IL1RAPL2: variants seen among roughly 807,000 people sequenced by gnomAD.
The protein encoded by IL1RAPL2 is X-linked interleukin-1 receptor accessory protein-like 2.
IL1RAPL2 carries 3 observed loss-of-function variants against 44.1 expected under a neutral mutation model. That is an observed-to-expected ratio of 0.07 (90% CI 0.03 to 0.18). The LOEUF is 0.18. IL1RAPL2 is among the 10% of genes least tolerant of loss of function. The pLI is 1.00. For missense variants in IL1RAPL2, 391 were observed against 496.4 expected, an observed-to-expected ratio of 0.79 and a Z score of 2.02; for synonymous variants, 181 against 178.8, an observed-to-expected ratio of 1.01 and a Z score of -0.10.
chrX:105,323,893 C>CAG (rs2034915623), intron 5 of IL1RAPL2, among the ~76,000 whole-genome samples: 1 of 108,460 alleles, frequency 9.2e-6, no homozygotes, highest in African/African-American at 3.3e-5. Context: ...CACACACACA[C>CAG]ACAGACACAC....
chrX:104,869,870 TCACCAC>T (rs1316533100), intron 2 of IL1RAPL2, among the ~76,000 whole-genome samples: 1 of 112,081 alleles, frequency 8.9e-6, no homozygotes, highest in Admixed American at 9.5e-5. Context: ...TAGGATCTTT[TCACCAC>T]CACCACCACG....
intron 5 of IL1RAPL2, among the ~76,000 whole-genome samples, chrX:105,317,666 T>C (rs1569422837): frequency 9.0e-6 from 1 of 111,615 alleles, no homozygotes; most frequent in Non-Finnish European, 1.9e-5. Context: ...TCCTGTTTGG[T>C]GGCCAGTCAG....
chrX:105,454,541 A>G (rs935316888), intron 5 of IL1RAPL2, among the ~76,000 whole-genome samples: 2 of 111,310 alleles, frequency 1.8e-5, no homozygotes, highest in African/African-American at 6.6e-5. Context: ...TCCAGCACAG[A>G]GTATAGGCTT....
intron 2 of IL1RAPL2, among the ~76,000 whole-genome samples, chrX:104,735,707 G>T (rs192294037): frequency 4.1e-4 from 46 of 111,170 alleles, no homozygotes; most frequent in Admixed American, 1.3e-3. Context: ...GCAGTGGGTG[G>T]GAGTATGTTG....
intron 2 of IL1RAPL2, among the ~76,000 whole-genome samples, chrX:105,114,781 C>T (rs151289801): frequency 8.9e-6 from 1 of 111,970 alleles, no homozygotes; most frequent in Non-Finnish European, 1.9e-5. Context: ...CAGCTTTTTC[C>T]CCTCTTCAGT....
At chrX:105,165,282 T>G (rs927978131) in intron 2 of IL1RAPL2, among the ~76,000 whole-genome samples, 14 of 111,770 alleles carry the variant, frequency 1.3e-4, no homozygotes, top group African/African-American at 4.6e-4. Context: ...CACTGTTCCA[T>G]AAAAATTTGG....
chrX:105,652,749 T>G (rs1387299591), intron 6 of IL1RAPL2, among the ~76,000 whole-genome samples: 2 of 111,737 alleles, frequency 1.8e-5, no homozygotes, highest in Non-Finnish European at 3.8e-5. Flanking sequence ...TCACAGTTTC[T>G]CTCATAATAT....
At chrX:104,611,126 A>G (rs966245158) in intron 1 of IL1RAPL2, among the ~76,000 whole-genome samples, 4 of 111,752 alleles carry the variant, frequency 3.6e-5, no homozygotes, top group African/African-American at 9.8e-5. Flanking sequence ...AAGTCAGGGT[A>G]TACGGGGTTC....
Position 105,740,591 on chromosome X carries a change from C to G in IL1RAPL2, c.948C>G (p.Leu316=). The change falls in exon 8 of 11, where the codon CTC becomes CTG. Residue 316 remains leucine, a synonymous_variant. Coordinates refer to ENST00000372582, the MANE Select transcript of IL1RAPL2 (RefSeq NM_017416.2). ...HLGEKEVELA[L]IFDSVVEADL... The stretch of plus-strand genomic sequence containing the variant: ...GAGAAAAAGAAGTTGAATTGGCACT[C>G]ATCTTTGACTCAGTTGTGGAAGCTG... 8.3e-7 allele frequency: 1 copy of G among 1,208,388 alleles called. No homozygotes were observed. Among genetic ancestry groups the G allele is most frequent in the African/African-American group, 1.7e-5 (1 of 57,738 alleles).
chrX:105,036,206 G>C (rs1350823327), intron 2 of IL1RAPL2, among the ~76,000 whole-genome samples: 1 of 111,634 alleles, frequency 9.0e-6, no homozygotes, highest in Non-Finnish European at 1.9e-5. Context: ...CCCACTCCCA[G>C]CACCCAAGAA....
intron 2 of IL1RAPL2, among the ~76,000 whole-genome samples, chrX:104,710,102 A>G (rs1931431912): frequency 9.0e-6 from 1 of 111,381 alleles, no homozygotes. Context: ...TAAACAGAGA[A>G]TTGCCATATG....
At chrX:105,759,911 T>C (rs996091606) in intron 10 of IL1RAPL2, among the ~76,000 whole-genome samples, 11 of 111,969 alleles carry the variant, frequency 9.8e-5, no homozygotes, top group Admixed American at 9.5e-4. Flanking sequence ...TTTAATTAAG[T>C]TGTCTTTGGG....
chrX:105,440,424 G>C (rs191338345), intron 5 of IL1RAPL2, among the ~76,000 whole-genome samples: 1 of 111,965 alleles, frequency 8.9e-6, no homozygotes, highest in East Asian at 2.8e-4. Context: ...GATTCATTCT[G>C]TCTTTAGACC....
chrX:105,634,198 A>T (rs2037509107), intron 6 of IL1RAPL2, among the ~76,000 whole-genome samples: 1 of 111,254 alleles, frequency 9.0e-6, no homozygotes, highest in Non-Finnish European at 1.9e-5. Context: ...AAAAAGAGAA[A>T]GATAAGTGAT....
intron 6 of IL1RAPL2, among the ~76,000 whole-genome samples, chrX:105,660,377 G>A (rs1393293727): frequency 9.0e-6 from 1 of 111,098 alleles, no homozygotes; most frequent in Non-Finnish European, 1.9e-5. Context: ...ATGCTAAAGA[G>A]AGTTATTTAA....
chrX:105,390,037 A>G (rs993465261), intron 5 of IL1RAPL2, among the ~76,000 whole-genome samples: 3 of 111,620 alleles, frequency 2.7e-5, no homozygotes, highest in Non-Finnish European at 5.6e-5. Context: ...TACTTAAAAA[A>G]TAAAAATCCC....
chrX:105,749,116 C>G lies in IL1RAPL2; in HGVS notation c.1192+13C>G. The G allele has an allele frequency of 2.5e-6, 3 of 1,194,030 alleles. No individual in the cohort carries two copies. Among genetic ancestry groups the G allele is most frequent in the Non-Finnish European group, 2.3e-6 (2 of 884,992 alleles). On this transcript the variant is annotated intron_variant, in intron 9 of 10. Transcript: ENST00000372582. ...GAAACTAATGATGGTAAGCTGTCTT[C>G]TATTGTTCAAATTCCATTAAACGGC...
chrX:104,828,491 TCCTC>T (rs200164782), intron 2 of IL1RAPL2, among the ~76,000 whole-genome samples: 5,846 of 111,736 alleles, frequency 0.052, 390 homozygotes, highest in African/African-American at 0.18. Flanking sequence ...GCCTCCTCCT[TCCTC>T]TGGAAGCTTT....
At chrX:105,421,289 G>A in intron 5 of IL1RAPL2, among the ~76,000 whole-genome samples, 1 of 111,270 alleles carries the variant, frequency 9.0e-6, no homozygotes, top group East Asian at 2.8e-4. Flanking sequence ...CTCTCCAAAT[G>A]AGGCAATCAG....
Sources: allele counts gnomAD v4.1 joint callset (sites outside exome capture counted in the v4.1 genomes callset), GRCh38; gene constraint gnomAD v4.1.1; transcripts MANE v1.5; gene names NCBI Gene and HGNC (gene_info 2026-07-23, HGNC 2026-07-21).